The following FSTL4 variants were observed in gnomAD, a reference collection of about 807,000 sequenced individuals.
FSTL4 encodes follistatin like 4, also known as follistatin-related protein 4.
FSTL4 carries 28 observed loss-of-function variants against 78.2 expected under a neutral mutation model. That is an observed-to-expected ratio of 0.36 (90% CI 0.27 to 0.49). The LOEUF is 0.49. Among genes scored for constraint, FSTL4 ranks in the 20% least tolerant of loss-of-function variants. The pLI, the probability that FSTL4 is intolerant of heterozygous loss-of-function variation, is 0.98. For synonymous variants in FSTL4, 422 were observed against 440.5 expected (o/e 0.96, Z 0.53); for missense variants, 922 against 1,084.9 (o/e 0.85, Z 2.11).
the FSTL4 span, among the ~76,000 whole-genome samples, chr5:133,686,022 C>G: frequency 6.6e-6 from 1 of 152,192 alleles, no homozygotes; most frequent in Non-Finnish European, 1.5e-5. Flanking sequence ...AACTGCCCAG[C>G]CCTGCATCTA....
the FSTL4 span, among the ~76,000 whole-genome samples, chr5:133,685,620 C>T: frequency 6.6e-6 from 1 of 152,250 alleles, no homozygotes; most frequent in Admixed American, 6.5e-5. Flanking sequence ...AGGCCCCACC[C>T]AGGAGGGAAC....
chr5:133,411,327 A>C (rs1267661158), intron 3 of FSTL4, among the ~76,000 whole-genome samples: 1 of 152,254 alleles, frequency 6.6e-6, no homozygotes, highest in African/African-American at 2.4e-5. Flanking sequence ...AGAATCAAGC[A>C]CAGCACAAAG....
chr5:133,299,290 G>A (rs1273009900), intron 6 of FSTL4, among the ~76,000 whole-genome samples: 10 of 152,190 alleles, frequency 6.6e-5, no homozygotes. Flanking sequence ...TACATGGCCA[G>A]ATGTCCCCAG....
intron 3 of FSTL4, among the ~76,000 whole-genome samples, chr5:133,461,247 G>A (rs984381588): frequency 1.3e-5 from 2 of 152,096 alleles, no homozygotes; most frequent in African/African-American, 4.8e-5. Context: ...AACTAGCATG[G>A]GTTTCAATCC....
intron 4 of FSTL4, among the ~76,000 whole-genome samples, chr5:133,383,953 C>T (rs545077845): frequency 8.5e-4 from 130 of 152,308 alleles, no homozygotes; most frequent in Non-Finnish European, 1.5e-3. Flanking sequence ...TGGTCTTTCT[C>T]CCCTTAAGTT....
At chr5:133,627,314 C>A in the FSTL4 span, among the ~76,000 whole-genome samples, 21 of 152,168 alleles carry the variant, frequency 1.4e-4, no homozygotes, top group African/African-American at 4.8e-4. Context: ...GGCAGAAGAG[C>A]AAAGGATGTC....
At position 133,312,671 on chromosome 5, in the gene FSTL4, T is replaced by A; in HGVS notation, c.710A>T (p.Glu237Val). The A allele has an allele frequency of 1.2e-6, 2 of 1,614,106 alleles. No homozygotes were observed. ...CAACTTACGGAAGGCCATGTAGAAC[T>A]CGCGGAGGGTCAGGGAGCTGTCACT... Reference protein sequence around the residue: ...YNSDSSLTLREFYMAFQVVQL... With the variant: ...YNSDSSLTLRVFYMAFQVVQL... The change falls in exon 6 of 16, where the codon GAG (glutamate) becomes GTG (valine). Residue 237 changes from glutamate to valine, a missense_variant. Physicochemically the swap from Glu to Val is moderately radical, Grantham distance 121. Coordinates refer to ENST00000265342, the MANE Select transcript of FSTL4 (RefSeq NM_015082.2).
intron 2 of FSTL4, among the ~76,000 whole-genome samples, chr5:133,593,933 G>C (rs564114646): frequency 2.2e-4 from 30 of 138,770 alleles, no homozygotes; most frequent in Middle Eastern, 3.7e-3. Flanking sequence ...CTCAAGGATA[G>C]AATCACAAAT....
chr5:133,755,608 CT>C, the FSTL4 span, among the ~76,000 whole-genome samples: 1 of 152,198 alleles, frequency 6.6e-6, no homozygotes. Flanking sequence ...TCCCCTTTTT[CT>C]GCCTGATGGG....
the FSTL4 span, among the ~76,000 whole-genome samples, chr5:133,755,727 A>C: frequency 4.6e-5 from 7 of 152,162 alleles, no homozygotes; most frequent in African/African-American, 1.7e-4. Flanking sequence ...GTTTCTTAGC[A>C]CTGGGAGCTG....
At chr5:133,273,765 G>GTAA (rs1752819085) in intron 6 of FSTL4, among the ~76,000 whole-genome samples, 2 of 152,150 alleles carry the variant, frequency 1.3e-5, no homozygotes, top group Admixed American at 1.3e-4. Flanking sequence ...TTTGCAGGCA[G>GTAA]CGGAAGGAGT....
upstream of FSTL4, among the ~76,000 whole-genome samples, chr5:133,617,286 G>A (rs1423379185): frequency 3.1e-5 from 4 of 128,454 alleles, no homozygotes; most frequent in Admixed American, 9.0e-5. Flanking sequence ...GCAATAGAGC[G>A]AGACTCCATC....
intron 3 of FSTL4, among the ~76,000 whole-genome samples, chr5:133,485,585 C>A (rs1291116692): frequency 6.6e-6 from 1 of 152,232 alleles, no homozygotes; most frequent in Non-Finnish European, 1.5e-5. Context: ...GATTTATAAT[C>A]AGCACATTCC....
At chr5:133,610,677 C>A (rs1761070616) in intron 1 of FSTL4, among the ~76,000 whole-genome samples, 1 of 152,232 alleles carries the variant, frequency 6.6e-6, no homozygotes, top group South Asian at 2.1e-4. Context: ...CCAGGTGGAC[C>A]CCCCGCCAAC....
the FSTL4 span, among the ~76,000 whole-genome samples, chr5:133,781,576 G>A: frequency 1.3e-5 from 2 of 152,184 alleles, no homozygotes; most frequent in African/African-American, 4.8e-5. Flanking sequence ...GAGACTGGAG[G>A]AGGGTGCAGT....
At chr5:133,210,072 TG>T (rs1750653429) in intron 14 of FSTL4, 118 bp downstream of exon 14, 1 of 623,678 alleles carries the variant, frequency 1.6e-6, no homozygotes, top group African/African-American at 1.8e-5. Flanking sequence ...TGAGCCTTTA[TG>T]GATATATTTT....
intron 6 of FSTL4, among the ~76,000 whole-genome samples, chr5:133,260,316 G>T (rs1303446059): frequency 6.6e-6 from 1 of 152,200 alleles, no homozygotes; most frequent in Non-Finnish European, 1.5e-5. Context: ...GAAAGAACAT[G>T]AATAAATATA....
the FSTL4 span, among the ~76,000 whole-genome samples, chr5:133,650,078 G>A: frequency 3.3e-5 from 5 of 152,102 alleles, no homozygotes; most frequent in African/African-American, 7.2e-5. Flanking sequence ...ATCCCATGGC[G>A]AGAGAGGAAG....
At chr5:133,800,794 C>A in the FSTL4 span, among the ~76,000 whole-genome samples, 5 of 86,834 alleles carry the variant, frequency 5.8e-5, 1 homozygote, top group Non-Finnish European at 1.4e-4. Context: ...CAAACAGAGC[C>A]TTTGGAGCAA....
Sources: allele counts gnomAD v4.1 joint callset (sites outside exome capture counted in the v4.1 genomes callset), GRCh38; gene constraint gnomAD v4.1.1; transcripts MANE v1.5; gene names NCBI Gene and HGNC (gene_info 2026-07-23, HGNC 2026-07-21).